AGBL3: variants seen among roughly 807,000 people sequenced by gnomAD.
The protein encoded by AGBL3 is AGBL carboxypeptidase 3.
Under a neutral mutation model 94.5 loss-of-function variants are expected in AGBL3, and 68 were observed. That is an observed-to-expected ratio of 0.72 (90% CI 0.59 to 0.88). AGBL3 has a LOEUF of 0.88. Among genes scored for constraint, AGBL3 ranks in the 40% least tolerant of loss-of-function variants. The pLI is 0.00. For missense variants in AGBL3, 934 were observed against 1,103.8 expected (o/e 0.85, Z 2.18); for synonymous variants, 354 against 370.7 (o/e 0.95, Z 0.52).
At chr7:135,095,363 A>G (rs1244872029) in intron 15 of AGBL3, among the ~76,000 whole-genome samples, 1 of 152,206 alleles carries the variant, frequency 6.6e-6, no homozygotes, top group African/African-American at 2.4e-5. Context: ...AGCAAGAAAG[A>G]CAGATTCTAT....
intron 15 of AGBL3, among the ~76,000 whole-genome samples, chr7:135,108,618 C>T (rs1280784422): frequency 1.3e-5 from 2 of 152,132 alleles, no homozygotes; most frequent in Non-Finnish European, 2.9e-5. Flanking sequence ...TTTCTCTCTA[C>T]CTGCCTTTAA....
chr7:135,022,107 G>A (rs190438388), intron 5 of AGBL3, among the ~76,000 whole-genome samples: 1 of 152,254 alleles, frequency 6.6e-6, no homozygotes, highest in Admixed American at 6.5e-5. Context: ...TTGCCATTGT[G>A]AATAGTGATG....
At chr7:135,133,552 G>A (rs1302010191) in intron 16 of AGBL3, among the ~76,000 whole-genome samples, 1 of 152,152 alleles carries the variant, frequency 6.6e-6, no homozygotes, top group Non-Finnish European at 1.5e-5. Flanking sequence ...AATCAAGACA[G>A]TAGTATTAGA....
intron 15 of AGBL3, among the ~76,000 whole-genome samples, chr7:135,092,046 T>A (rs1383845826): frequency 2.0e-5 from 3 of 152,222 alleles, no homozygotes; most frequent in Non-Finnish European, 4.4e-5. Flanking sequence ...GGAAAATCAC[T>A]TCCTTGACTT....
intron 15 of AGBL3, among the ~76,000 whole-genome samples, chr7:135,085,700 GTCTACATA>G: frequency 6.6e-6 from 1 of 152,084 alleles, no homozygotes; most frequent in Non-Finnish European, 1.5e-5. Context: ...TGTCTCATTG[GTCTACATA>G]TCTGTTTTTA....
In AGBL3 at chr7:135,093,059, A is replaced by C. The variant is rs916397466; in HGVS notation, c.2110+11269A>C. The C allele has an allele frequency of 2.0e-5, 3 of 152,110 alleles. No homozygotes were observed. The South Asian group carries it at 6.2e-4, about 32-fold the overall frequency. 9.4% of individuals were successfully genotyped at this position (152,110 alleles called of 1,614,324 possible). On this transcript the variant is annotated intron_variant, in intron 15 of 16. Coordinates refer to ENST00000436302, the MANE Select transcript of AGBL3 (RefSeq NM_178563.4). ...ACTAAAAAAAAAAAAGCCATCTTCA[A>C]AAATCCTGCAGCTAATGTCATAGTT... is the stretch of plus-strand genomic sequence containing the variant.
At chr7:135,105,999 T>C (rs1289524226) in intron 15 of AGBL3, among the ~76,000 whole-genome samples, 1 of 152,200 alleles carries the variant, frequency 6.6e-6, no homozygotes, top group Admixed American at 6.5e-5. Context: ...CTTGTGGCTA[T>C]TATGAATGGG....
intron 12 of AGBL3, among the ~76,000 whole-genome samples, chr7:135,066,241 A>T (rs1819289327): frequency 6.6e-6 from 1 of 152,202 alleles, no homozygotes; most frequent in Non-Finnish European, 1.5e-5. Context: ...AACAGGGGGT[A>T]ATCTCCAAAA....
rs545602331 is a variant in AGBL3 at position 135,097,089 on chromosome 7, GAATGCTTATCACATCAA to G, written c.2110+15300_2110+15316del. ...ATTTGCTTGGGCATACCACCCAAAT[GAATGCTTATCACATCAA>G]CAAATGAATGCTTATCACATCATTC... On this transcript the variant is annotated intron_variant, in intron 15 of 16. Coordinates refer to ENST00000436302, the MANE Select transcript of AGBL3 (RefSeq NM_178563.4). Among the ~76,000 whole-genome samples, 1,069 of 152,284 alleles carry G rather than the reference GAATGCTTATCACATCAA, an allele frequency of 7.0e-3. 13 individuals are homozygous for G. The highest frequency in any genetic ancestry group is 0.025 in the African/African-American group (1,019 of 41,566).
chr7:135,084,900 GTT>G (rs1678652631), intron 15 of AGBL3, among the ~76,000 whole-genome samples: 1 of 152,048 alleles, frequency 6.6e-6, no homozygotes, highest in Non-Finnish European at 1.5e-5. Context: ...TCTGTTTTTA[GTT>G]TTCTGGGTAA....
At chr7:135,103,464 T>C (rs142121617) in intron 15 of AGBL3, among the ~76,000 whole-genome samples, 2 of 152,328 alleles carry the variant, frequency 1.3e-5, no homozygotes, top group East Asian at 3.9e-4. Flanking sequence ...TGTTTCTTTA[T>C]TTTCTTAATA....
intron 12 of AGBL3, among the ~76,000 whole-genome samples, chr7:135,075,379 AT>A (rs1309438838): frequency 6.6e-6 from 1 of 152,162 alleles, no homozygotes; most frequent in South Asian, 2.1e-4. Context: ...TGGAATACTT[AT>A]CCCCCACCCC....
At chr7:135,121,840 G>T (rs1261095933) in intron 16 of AGBL3, among the ~76,000 whole-genome samples, 1 of 152,142 alleles carries the variant, frequency 6.6e-6, no homozygotes. Context: ...GCCAAGGGAG[G>T]TGGTGAGTGA....
Position 135,094,087 on chromosome 7 carries a change from T to C in AGBL3, c.2110+12297T>C, listed in dbSNP as rs758230031. On this transcript the variant is annotated intron_variant, in intron 15 of 16. Transcript: ENST00000436302. ...TGGCCGTGTTCCTTATACCATACAC[T>C]AAAAATAATAAAAAATGGATCACAG... 2.5e-5 allele frequency: 7 copies of C among 280,268 alleles called. 1 individual carries two copies. Among genetic ancestry groups the C allele is most frequent in the Non-Finnish European group, 4.9e-5 (7 of 143,408 alleles). 17.4% of individuals were successfully genotyped at this position (280,268 alleles called of 1,614,324 possible).
intron 16 of AGBL3, 193 bp downstream of exon 16, chr7:135,115,804 C>A: frequency 1.9e-6 from 1 of 515,894 alleles, no homozygotes; most frequent in Non-Finnish European, 3.4e-6. Context: ...AGTTATCAGG[C>A]CTTATTTAAT....
intron 8 of AGBL3, among the ~76,000 whole-genome samples, chr7:135,041,208 T>C (rs1426329943): frequency 6.6e-6 from 1 of 152,176 alleles, no homozygotes; most frequent in Admixed American, 6.6e-5. Context: ...AGTTGATCTG[T>C]AGATTTAACA....
chr7:135,052,160 ATTCT>A (rs1817935384), intron 11 of AGBL3, among the ~76,000 whole-genome samples: 2 of 151,904 alleles, frequency 1.3e-5, no homozygotes, highest in Admixed American at 6.6e-5. Flanking sequence ...TTTTTTACTT[ATTCT>A]TTGTTTTACT....
At chr7:135,098,223 T>G (rs1176008337) in intron 15 of AGBL3, among the ~76,000 whole-genome samples, 1 of 152,202 alleles carries the variant, frequency 6.6e-6, no homozygotes, top group African/African-American at 2.4e-5. Context: ...CATCCCTTTG[T>G]ATCATGGAGG....
chr7:135,048,088 C>T (rs1817541467), intron 11 of AGBL3, among the ~76,000 whole-genome samples: 1 of 151,804 alleles, frequency 6.6e-6, no homozygotes, highest in Non-Finnish European at 1.5e-5. Flanking sequence ...CAGTTTCCCA[C>T]CATTATTTGT....
Sources: allele counts gnomAD v4.1 joint callset (sites outside exome capture counted in the v4.1 genomes callset), GRCh38; gene constraint gnomAD v4.1.1; transcripts MANE v1.5; gene names NCBI Gene and HGNC (gene_info 2026-07-23, HGNC 2026-07-21).